Variants in VAV3 observed in about 807,000 individuals in gnomAD.
VAV3 encodes vav guanine nucleotide exchange factor 3.
A neutral mutation model predicts 131.2 loss-of-function variants in VAV3; 94 were observed. That is an observed-to-expected ratio of 0.72 (90% confidence interval 0.61 to 0.85). The LOEUF (loss-of-function observed/expected upper bound fraction) is 0.85. Ranked by LOEUF, VAV3 falls within the 40% of genes least tolerant of loss-of-function variation. The pLI is 0.00. For synonymous variants in VAV3, 349 were observed against 342.0 expected (o/e 1.02, Z -0.22); for missense variants, 939 against 1,002.7 (o/e 0.94, Z 0.86).
chr1:107,713,366 TA>T (rs915688516), intron 15 of VAV3, among the ~76,000 whole-genome samples: 1 of 151,206 alleles, frequency 6.6e-6, no homozygotes, highest in African/African-American at 2.4e-5. Flanking sequence ...TTTATTTAAA[TA>T]AAAAAAACAC....
intron 2 of VAV3, among the ~76,000 whole-genome samples, chr1:107,807,230 T>A (rs17020081): frequency 0.15 from 22,990 of 152,194 alleles, 2,010 homozygotes; most frequent in East Asian, 0.29. Context: ...TTTCCTCGTG[T>A]TCCTTTGTCA....
rs765941028 is a variant in VAV3 at position 107,596,224 on chromosome 1, C to A, written c.2338G>T (p.Ala780Ser). 3 of 1,612,792 alleles carry A rather than the reference C, an allele frequency of 1.9e-6. No homozygotes were observed. The highest frequency in any genetic ancestry group is 8.5e-7 in the Non-Finnish European group (1 of 1,179,262). Residue 780 changes from alanine (A) to serine (S), a missense_variant, in exon 25 of 27, where the codon GCA becomes TCA. Transcript: ENST00000370056. ...EHSAGQRGNR[A>S]GNSLLSPKVL... is the part of the protein sequence containing the mutation. ...TTACAATACTTACAGCTGTTGCCTG[C>A]TCTATTACCCCTCTGTCCAGCTGAA...
chr1:107,683,508 G>T lies in VAV3; in HGVS notation c.1757C>A (p.Thr586Asn). 1 of 1,614,046 alleles carries T rather than the reference G, an allele frequency of 6.2e-7. No individual in the cohort carries two copies. The highest frequency in any genetic ancestry group is 1.1e-5 in the South Asian group (1 of 91,068). ...PEKRTNGLRR[T>N]PKQVDPGLPK... ...CACACCTGGATCCACCTGTTTAGGA[G>T]TTCTTCGCAGTCCATTGGTCCGTTT... The change falls in exon 19 of 27, where the codon ACT becomes AAT. Residue 586 changes from threonine (T) to asparagine (N), a missense_variant. Transcript: ENST00000370056.
At chr1:107,829,299 G>C (rs1668145394) in intron 2 of VAV3, among the ~76,000 whole-genome samples, 1 of 152,070 alleles carries the variant, frequency 6.6e-6, no homozygotes, top group South Asian at 2.1e-4. Flanking sequence ...TCAAACAATT[G>C]TCCCTCAACC....
intron 19 of VAV3, among the ~76,000 whole-genome samples, chr1:107,675,927 A>C (rs894885636): frequency 1.3e-5 from 2 of 152,198 alleles, no homozygotes; most frequent in Non-Finnish European, 2.9e-5. Context: ...TTTGTTGGGA[A>C]TCTCCAGTTC....
At chr1:107,899,961 C>T (rs1671777040) in intron 1 of VAV3, among the ~76,000 whole-genome samples, 1 of 152,134 alleles carries the variant, frequency 6.6e-6, no homozygotes, top group South Asian at 2.1e-4. Flanking sequence ...GGTCTTTCAA[C>T]TATTCTTTCT....
intron 1 of VAV3, among the ~76,000 whole-genome samples, chr1:107,936,316 T>A (rs1382765940): frequency 6.6e-6 from 1 of 152,146 alleles, no homozygotes; most frequent in Non-Finnish European, 1.5e-5. Context: ...CAATGAAAAA[T>A]TCTATATTTA....
At chr1:107,816,803 T>C (rs1327827708) in intron 2 of VAV3, among the ~76,000 whole-genome samples, 1 of 152,252 alleles carries the variant, frequency 6.6e-6, no homozygotes, top group East Asian at 1.9e-4. Context: ...CAAACCCTCT[T>C]ATTTTCCAAA....
chr1:107,916,932 C>T (rs998452066), intron 1 of VAV3, among the ~76,000 whole-genome samples: 31 of 152,038 alleles, frequency 2.0e-4, no homozygotes, highest in African/African-American at 7.2e-4. Context: ...AACTGTGTGA[C>T]GCACAAGACA....
intron 2 of VAV3, among the ~76,000 whole-genome samples, chr1:107,851,791 G>C (rs997772304): frequency 6.6e-6 from 1 of 152,138 alleles, no homozygotes; most frequent in African/African-American, 2.4e-5. Flanking sequence ...GCAAATATAT[G>C]AATCTACCCA....
At chr1:107,787,853 C>T (rs1355883327) in intron 2 of VAV3, among the ~76,000 whole-genome samples, 1 of 152,162 alleles carries the variant, frequency 6.6e-6, no homozygotes, top group Non-Finnish European at 1.5e-5. Flanking sequence ...TATGGTCCTG[C>T]CGTCTCTGCC....
intron 17 of VAV3, among the ~76,000 whole-genome samples, chr1:107,693,686 T>C (rs373697550): frequency 1.4e-4 from 22 of 152,264 alleles, no homozygotes; most frequent in African/African-American, 5.1e-4. Context: ...GTTGAAATAG[T>C]CCTATTATGG....
intron 15 of VAV3, among the ~76,000 whole-genome samples, chr1:107,732,266 C>G (rs182441600): frequency 2.2e-4 from 33 of 152,330 alleles, no homozygotes; most frequent in African/African-American, 5.8e-4. Flanking sequence ...CGAATAGGAA[C>G]AGCTCCGGTC....
intron 15 of VAV3, among the ~76,000 whole-genome samples, chr1:107,713,485 T>C (rs1002553346): frequency 1.3e-5 from 2 of 151,618 alleles, no homozygotes; most frequent in African/African-American, 4.9e-5. Flanking sequence ...AAAATGAACA[T>C]CCCAATTGGA....
chr1:107,669,606 C>A, intron 19 of VAV3: 1 of 1,104,018 alleles, frequency 9.1e-7, no homozygotes, highest in Non-Finnish European at 1.1e-6. Context: ...TTTTCTTGCA[C>A]AACAGGTTTT....
chr1:107,905,176 C>T (rs763976813), intron 1 of VAV3, among the ~76,000 whole-genome samples: 5 of 152,170 alleles, frequency 3.3e-5, no homozygotes, highest in Non-Finnish European at 5.9e-5. Flanking sequence ...TATACAGGAC[C>T]TTTGTGTATT....
chr1:107,716,139 T>C (rs1268369299), intron 15 of VAV3, among the ~76,000 whole-genome samples: 2 of 152,250 alleles, frequency 1.3e-5, no homozygotes, highest in East Asian at 1.9e-4. Context: ...TAAAACTCTA[T>C]GTGCAGAAGC....
chr1:107,906,981 A>C (rs1258693271), intron 1 of VAV3, among the ~76,000 whole-genome samples: 1 of 152,198 alleles, frequency 6.6e-6, no homozygotes, highest in Non-Finnish European at 1.5e-5. Context: ...TGGAGGTCCA[A>C]GTATCTTATA....
chr1:107,899,655 T>C (rs1330528534), intron 1 of VAV3, among the ~76,000 whole-genome samples: 1 of 152,218 alleles, frequency 6.6e-6, no homozygotes, highest in Non-Finnish European at 1.5e-5. Context: ...TGAAGTCCTT[T>C]GCAGTGTTAC....
Sources: allele counts gnomAD v4.1 joint callset (sites outside exome capture counted in the v4.1 genomes callset), GRCh38; gene constraint gnomAD v4.1.1; transcripts MANE v1.5; gene names NCBI Gene and HGNC (gene_info 2026-07-23, HGNC 2026-07-21).